LRRC4C: variants seen among roughly 807,000 people sequenced by gnomAD.
LRRC4C encodes the protein leucine rich repeat containing 4C.
In LRRC4C, 5 loss-of-function variants were observed where a neutral mutation model predicts 33.6. That is an observed-to-expected ratio of 0.15 (90% CI 0.08 to 0.31). LRRC4C has a LOEUF of 0.31. Ranked by LOEUF, LRRC4C falls within the 10% of genes least tolerant of loss-of-function variation. LRRC4C has a pLI of 1.00. For missense variants in LRRC4C, 560 were observed against 796.7 expected (o/e 0.70, Z 3.58); for synonymous variants, 329 against 302.0 (o/e 1.09, Z -0.93).
intron 2 of LRRC4C, among the ~76,000 whole-genome samples, chr11:40,749,447 C>T (rs1294507594): frequency 8.5e-6 from 1 of 117,998 alleles, no homozygotes; most frequent in Non-Finnish European, 1.7e-5. Context: ...TATACCAAAA[C>T]CTATGAGATA....
intron 2 of LRRC4C, among the ~76,000 whole-genome samples, chr11:40,758,947 C>T (rs1322154714): frequency 6.6e-6 from 1 of 151,620 alleles, no homozygotes; most frequent in Non-Finnish European, 1.5e-5. Flanking sequence ...CACTAATAAT[C>T]AATATCTCTT....
intron 4 of LRRC4C, among the ~76,000 whole-genome samples, chr11:40,278,783 A>G (rs1311970243): frequency 4.0e-5 from 2 of 50,196 alleles, no homozygotes; most frequent in Admixed American, 5.3e-4. Flanking sequence ...CACCAGACGT[A>G]TGATAGATAT....
intron 3 of LRRC4C, among the ~76,000 whole-genome samples, chr11:40,612,305 C>A (rs2135892611): frequency 6.6e-6 from 1 of 151,908 alleles, no homozygotes; most frequent in East Asian, 1.9e-4. Flanking sequence ...ACAAATACCA[C>A]AAGACCACGT....
intron 3 of LRRC4C, among the ~76,000 whole-genome samples, chr11:40,393,495 C>T (rs1374743710): frequency 6.6e-6 from 1 of 152,016 alleles, no homozygotes; most frequent in Admixed American, 6.6e-5. Context: ...TTTGAATGAA[C>T]AACTTAATAG....
At chr11:40,693,113 C>T (rs551687408) in intron 2 of LRRC4C, among the ~76,000 whole-genome samples, 5 of 151,678 alleles carry the variant, frequency 3.3e-5, no homozygotes, top group Non-Finnish European at 7.4e-5. Context: ...GGTTTTTTAC[C>T]GCACACACAC....
intron 1 of LRRC4C, among the ~76,000 whole-genome samples, chr11:41,072,755 C>A (rs1357156154): frequency 2.0e-5 from 3 of 152,136 alleles, no homozygotes; most frequent in Admixed American, 2.0e-4. Context: ...TTCTTCCTTA[C>A]CCCTGTGCAA....
Position 41,148,917 on chromosome 11 carries a change from A to T in LRRC4C, c.-495-215194T>A, listed in dbSNP as rs551132902. On this transcript the variant is annotated intron_variant, in intron 1 of 6. Transcript: ENST00000528697. ...TTATTAACCAAGAAGTTACCGAATC[A>T]TAGCACCAGCTAAATCTGCATCCCT... 2.0e-5 allele frequency among the ~76,000 whole-genome samples: 3 copies of T among 152,316 alleles called. No individual in the cohort carries two copies. In the South Asian group the frequency reaches 6.2e-4, roughly 32 times the overall value.
chr11:40,374,185 C>T (rs555013749), intron 3 of LRRC4C, among the ~76,000 whole-genome samples: 3 of 152,218 alleles, frequency 2.0e-5, no homozygotes, highest in African/African-American at 7.2e-5. Context: ...ATTAAAAATG[C>T]TTAGCATGTA....
chr11:41,406,325 T>C (rs1303832066), intron 1 of LRRC4C, among the ~76,000 whole-genome samples: 1 of 152,170 alleles, frequency 6.6e-6, no homozygotes, highest in Non-Finnish European at 1.5e-5. Context: ...GAAGTTGATT[T>C]TCTGGAAATC....
chr11:41,131,123 C>T lies in LRRC4C; in HGVS notation c.-495-197400G>A, dbSNP rs74880854. 2.8e-4 allele frequency among the ~76,000 whole-genome samples: 43 copies of T among 151,924 alleles called. No homozygotes were observed. In the East Asian group the frequency reaches 7.1e-3, roughly 25 times the overall value. On this transcript the variant is annotated intron_variant, in intron 1 of 6. Transcript: ENST00000528697. ...CATTGGATCAAGTGGTGCAGCAGCCCGAGTTTAGTATGTCATAAGCATCAG... is the reference window on the plus strand; with the variant it reads ...CATTGGATCAAGTGGTGCAGCAGCCTGAGTTTAGTATGTCATAAGCATCAG...
At chr11:40,273,684 A>T (rs973506427) in intron 4 of LRRC4C, among the ~76,000 whole-genome samples, 2 of 152,146 alleles carry the variant, frequency 1.3e-5, no homozygotes, top group Non-Finnish European at 2.9e-5. Flanking sequence ...TCTTTACATA[A>T]ATGGAGAAAA....
At chr11:40,224,221 C>T (rs1864623601) in intron 5 of LRRC4C, among the ~76,000 whole-genome samples, 2 of 152,220 alleles carry the variant, frequency 1.3e-5, no homozygotes, top group South Asian at 4.1e-4. Flanking sequence ...ATAGCCTCCA[C>T]ATTCATTAAA....
In LRRC4C at chr11:41,313,112, C is replaced by T. The variant is rs77160156; in HGVS notation, c.-496+146319G>A. 7.9e-3 allele frequency among the ~76,000 whole-genome samples: 1,204 copies of T among 152,288 alleles called. 23 individuals are homozygous for T. Among genetic ancestry groups the T allele is most frequent in the African/African-American group, 0.027 (1,135 of 41,568 alleles). On this transcript the variant is annotated intron_variant, in intron 1 of 6. Coordinates refer to ENST00000528697, the MANE Select transcript of LRRC4C (RefSeq NM_001258419.2). ...ATGTTGAGGGTATGTTTGATACATACGCCTCTTATCCTCCAGTTCTTCAAA... is the reference window on the plus strand; with the variant it reads ...ATGTTGAGGGTATGTTTGATACATATGCCTCTTATCCTCCAGTTCTTCAAA...
At chr11:40,705,027 C>T (rs982644275) in intron 2 of LRRC4C, among the ~76,000 whole-genome samples, 3 of 152,026 alleles carry the variant, frequency 2.0e-5, no homozygotes, top group African/African-American at 7.3e-5. Flanking sequence ...CAGGCCTTTA[C>T]ACACATACAC....
chr11:40,844,492 A>G (rs930312646), intron 2 of LRRC4C, among the ~76,000 whole-genome samples: 5 of 152,180 alleles, frequency 3.3e-5, no homozygotes, highest in African/African-American at 1.2e-4. Flanking sequence ...TGAAAGATAC[A>G]GAGGTGCTGT....
At chr11:41,040,073 G>A (rs1305311054) in intron 1 of LRRC4C, among the ~76,000 whole-genome samples, 6 of 149,014 alleles carry the variant, frequency 4.0e-5, no homozygotes, top group Admixed American at 1.4e-4. Flanking sequence ...AGGAGGCAGA[G>A]CTTGCAGTGA....
intron 1 of LRRC4C, among the ~76,000 whole-genome samples, chr11:41,175,092 C>A (rs1945141403): frequency 6.6e-6 from 1 of 151,802 alleles, no homozygotes; most frequent in African/African-American, 2.4e-5. Context: ...CTTCCTATTC[C>A]CACTATGAAT....
At chr11:40,301,205 G>C (rs1393746433) in intron 4 of LRRC4C, among the ~76,000 whole-genome samples, 1 of 152,080 alleles carries the variant, frequency 6.6e-6, no homozygotes, top group African/African-American at 2.4e-5. Context: ...AAGAAACAAC[G>C]GTATGACAAT....
chr11:40,186,308 C>T (rs1175636898), intron 5 of LRRC4C, among the ~76,000 whole-genome samples: 1 of 152,110 alleles, frequency 6.6e-6, no homozygotes, highest in African/African-American at 2.4e-5. Context: ...GGAATTTCTC[C>T]TGACTCTCCT....
Sources: allele counts gnomAD v4.1 joint callset (sites outside exome capture counted in the v4.1 genomes callset), GRCh38; gene constraint gnomAD v4.1.1; transcripts MANE v1.5; gene names NCBI Gene and HGNC (gene_info 2026-07-23, HGNC 2026-07-21).